Variants in FANCI observed in about 807,000 individuals in gnomAD.
FANCI encodes FA complementation group I.
A neutral mutation model predicts 176.1 loss-of-function variants in FANCI; 156 were observed. The ratio of observed to expected loss-of-function variants is 0.89; its 90% CI spans 0.78 to 1.01. FANCI has a LOEUF of 1.01. FANCI is among the 50% of genes least tolerant of loss of function. FANCI has a pLI of 0.00. For missense variants in FANCI, 1,678 were observed against 1,534.1 expected (o/e 1.09, Z -1.57); for synonymous variants, 613 against 541.7 (o/e 1.13, Z -1.83).
chr15:89,297,026 A>C (rs1287559280), intron 24 of FANCI, among the ~76,000 whole-genome samples: 1 of 132,536 alleles, frequency 7.5e-6, no homozygotes, highest in Non-Finnish European at 1.6e-5. Flanking sequence ...GCTGACCCCC[A>C]CCTCCCTCCT....
intron 17 of FANCI, among the ~76,000 whole-genome samples, chr15:89,284,283 A>G (rs1303617823): frequency 6.6e-6 from 1 of 152,204 alleles, no homozygotes; most frequent in Non-Finnish European, 1.5e-5. Flanking sequence ...GCTTTGGAGC[A>G]ATAAAATTGT....
chr15:89,264,739 T>C (rs536395758), intron 9 of FANCI, 132 bp downstream of exon 9: 1 of 699,154 alleles, frequency 1.4e-6, no homozygotes, highest in East Asian at 2.9e-5. Context: ...AATCTTCTCT[T>C]AGCTACTCAG....
At chr15:89,284,186 C>T (rs561927436) in intron 17 of FANCI, among the ~76,000 whole-genome samples, 79 of 152,254 alleles carry the variant, frequency 5.2e-4, no homozygotes, top group African/African-American at 1.6e-3. Context: ...CATTTTCTTA[C>T]GTCATTGTAT....
rs748380714 is a variant in FANCI at position 89,264,072 on chromosome 15, G to A, written c.669+46G>A. On this transcript the variant is annotated intron_variant, in intron 8 of 37. Transcript: ENST00000310775. ...CTCCTTAGTTCTGGTGGTATGACCA[G>A]TTATGACCATTCAACTTATTCATAC... The A allele has an allele frequency of 4.3e-6, 7 of 1,610,828 alleles. No homozygotes were observed. The South Asian group carries it at 6.6e-5, about 15-fold the overall frequency.
intron 2 of FANCI, 114 bp downstream of exon 2, chr15:89,247,845 G>T (rs28635206): frequency 1.3e-6 from 1 of 790,060 alleles, no homozygotes; most frequent in Non-Finnish European, 2.2e-6. Context: ...CCCATTCACT[G>T]TAGGAGACAA....
chr15:89,304,320 A>G (rs532331450), intron 28 of FANCI, among the ~76,000 whole-genome samples: 1 of 152,386 alleles, frequency 6.6e-6, no homozygotes, highest in Admixed American at 6.5e-5. Context: ...GGAATCCTAT[A>G]CAGCAAATAA....
Position 89,264,537 on chromosome 15 carries a change from G to T in FANCI, c.685G>T (p.Val229Phe), listed in dbSNP as rs2052856362. The T allele has an allele frequency of 6.2e-7, 1 of 1,613,746 alleles. No homozygotes were observed. The highest frequency in any genetic ancestry group is 1.3e-5 in the African/African-American group (1 of 74,918). ...TTGTTTTCAGGGAAGCAGAAAGAGT[G>T]TTTTGGAAGGAATCATAGCCTTCTT... The part of the protein sequence containing the change: ...VLSSKGSRKS[V>F]LEGIIAFFSA... Residue 229 changes from valine (V) to phenylalanine (F), a missense_variant, in exon 9 of 38, where the codon GTT becomes TTT. Val to Phe is a conservative substitution (Grantham distance 50). Coordinates refer to ENST00000310775, the MANE Select transcript of FANCI (RefSeq NM_001113378.2).
chr15:89,251,890 C>T (rs1567136979), intron 2 of FANCI, among the ~76,000 whole-genome samples: 1 of 152,140 alleles, frequency 6.6e-6, no homozygotes. Context: ...ACCATAGAGA[C>T]ATTTCCTCTA....
chr15:89,307,165 A>C (rs1464651250), intron 32 of FANCI, among the ~76,000 whole-genome samples: 1 of 152,202 alleles, frequency 6.6e-6, no homozygotes, highest in Non-Finnish European at 1.5e-5. Context: ...AAATACTGAG[A>C]GCCTCTTCTC....
intron 35 of FANCI, among the ~76,000 whole-genome samples, chr15:89,313,821 A>G (rs2055063045): frequency 6.6e-6 from 1 of 152,146 alleles, no homozygotes; most frequent in Admixed American, 6.6e-5. Flanking sequence ...AAAAATAAAC[A>G]TCTAAATGTT....
At chr15:89,282,851 A>G (rs1444397808) in intron 16 of FANCI, 2 of 406,624 alleles carry the variant, frequency 4.9e-6, no homozygotes, top group East Asian at 1.0e-4. Flanking sequence ...CCAATTTTAC[A>G]GTCTCTCAGC....
chr15:89,292,904 C>T (rs1238017081), intron 21 of FANCI, 38 bp from the exon 22 acceptor site: 17 of 1,613,976 alleles, frequency 1.1e-5, no homozygotes, highest in Non-Finnish European at 1.4e-5. Context: ...TGATGGAGTT[C>T]TTTAGTAGCT....
chr15:89,295,059 A>G lies in FANCI; in HGVS notation c.2601A>G (p.Pro867=). ...GHVSGPDGQN[P]EKIFQNLCDI... is the part of the protein sequence containing the mutation. ...TGAGTGGCCCTGATGGCCAAAACCC[A>G]GAAAAGATCTTTCAGAACCTCTGTG... Residue 867 remains proline, a synonymous_variant, in exon 24 of 38, where the codon CCA becomes CCG. Transcript: ENST00000310775. 6.4e-7 allele frequency: 1 copy of G among 1,552,032 alleles called. No individual in the cohort carries two copies. The highest frequency in any genetic ancestry group is 1.4e-5 in the African/African-American group (1 of 73,174).
rs779888058 is a variant in FANCI, at chr15:89,292,740, T to C, written c.2045T>C (p.Val682Ala). 1 of 1,613,938 alleles carries C rather than the reference T, an allele frequency of 6.2e-7. No individual in the cohort carries two copies. The highest frequency in any genetic ancestry group is 2.2e-5 in the East Asian group (1 of 44,856). The change falls in exon 21 of 38, where the codon GTC (valine) becomes GCC (alanine). Residue 682 changes from valine to alanine, a missense_variant. This residue lies in a region of FANCI where 1,204 missense variants were observed against 1,077.4 expected (regional missense o/e 1.12). Transcript: ENST00000310775. ...TGTTTGGCCTGGTATAAGAATACAG[T>C]CATACCCTTACAGCAGGGAGAGGAG... is the stretch of plus-strand genomic sequence containing the variant. ...QHCLAWYKNT[V>A]IPLQQGEEEE... is the part of the protein sequence containing the mutation.
At position 89,305,676 on chromosome 15, in the gene FANCI, A is replaced by T. The variant is rs1388053700; in HGVS notation, c.3327A>T (p.Gln1109His). ...VDWLITKLKG[Q>H]VSQETLSEEA... is the part of the protein sequence containing the mutation. ...GGCTAATCACCAAGCTTAAGGGACA[A>T]GTGAGCCAAGAAACCTTATCAGGTA... Residue 1109 changes from glutamine to histidine, a missense_variant, in exon 31 of 38, where the codon CAA (glutamine) becomes CAT (histidine). Physicochemically the swap from Gln to His is conservative, Grantham distance 24. This residue lies in a region of FANCI where 1,204 missense variants were observed against 1,077.4 expected (regional missense o/e 1.12). Transcript: ENST00000310775. 5 of 1,614,124 alleles carry T rather than the reference A, an allele frequency of 3.1e-6. No homozygotes were observed. The African/African-American group carries it at 5.3e-5, about 17-fold the overall frequency.
At chr15:89,307,383 C>A in intron 32 of FANCI, 93 bp from the exon 33 acceptor site, 1 of 1,262,532 alleles carries the variant, frequency 7.9e-7, no homozygotes, top group Non-Finnish European at 1.1e-6. Context: ...CCTCTTCAGT[C>A]AGAATGATGA....
At chr15:89,260,362 G>A (rs1345129550) in intron 3 of FANCI, among the ~76,000 whole-genome samples, 1 of 152,114 alleles carries the variant, frequency 6.6e-6, no homozygotes, top group Admixed American at 6.6e-5. Context: ...AAGTCAGCTT[G>A]CTAAATGTTT....
chr15:89,263,315 A>G (rs1161432832), intron 6 of FANCI, 104 bp from the exon 7 acceptor site: 8 of 918,256 alleles, frequency 8.7e-6, no homozygotes, highest in South Asian at 6.8e-5. Flanking sequence ...TCGGTATTGC[A>G]AAATCAAACT....
intron 13 of FANCI, among the ~76,000 whole-genome samples, 184 bp from the exon 14 acceptor site, chr15:89,278,503 A>C (rs1437971592): frequency 1.3e-5 from 2 of 152,218 alleles, no homozygotes; most frequent in African/African-American, 4.8e-5. Flanking sequence ...CTACTAATGA[A>C]TCATCTAAGC....
Sources: allele counts gnomAD v4.1 joint callset (sites outside exome capture counted in the v4.1 genomes callset), GRCh38; gene constraint gnomAD v4.1.1; regional missense constraint gnomAD v4.1.1; transcripts MANE v1.5; gene names NCBI Gene and HGNC (gene_info 2026-07-23, HGNC 2026-07-21).